ATP11A: variants seen among roughly 807,000 people sequenced by gnomAD.
ATP11A encodes the protein ATPase phospholipid transporting 11A.
A neutral mutation model predicts 154.4 loss-of-function variants in ATP11A; 81 were observed. The ratio of observed to expected loss-of-function variants is 0.52; its 90% CI spans 0.44 to 0.63. The LOEUF (loss-of-function observed/expected upper bound fraction) is 0.63. Among genes scored for constraint, ATP11A ranks in the 30% least tolerant of loss-of-function variants. The probability of loss-of-function intolerance (pLI) is 0.00; values close to 1 mark genes in which losing one functional copy is unlikely to be tolerated. For synonymous variants in ATP11A, 623 were observed against 585.9 expected, an observed-to-expected ratio of 1.06 and a Z score of -0.91; for missense variants, 1,316 against 1,474.3, an observed-to-expected ratio of 0.89 and a Z score of 1.76.
At chr13:112,749,696 A>G (rs560311141) in intron 1 of ATP11A, among the ~76,000 whole-genome samples, 31 of 150,956 alleles carry the variant, frequency 2.1e-4, no homozygotes, top group African/African-American at 6.6e-4. Flanking sequence ...CGTCTGCTGA[A>G]GGATGCGGGG....
Position 112,886,134 on chromosome 13 carries a change from G to A in ATP11A, c.*4268G>A, listed in dbSNP as rs1171998741. On this transcript the variant is annotated 3_prime_UTR_variant, in exon 30 of 30. Coordinates refer to ENST00000375645, the MANE Select transcript of ATP11A (RefSeq NM_015205.3). ...GCCGCCTAAAGCCCCAGTCAACCCA[G>A]CCTGTGTCTGAGCAGACAGGGCGAA... The A allele has an allele frequency of 6.6e-6, 1 of 152,312 alleles. No homozygotes were observed. The highest frequency in any genetic ancestry group is 2.4e-5 in the African/African-American group (1 of 41,474). The allele number at this position is 152,312 out of a possible 1,614,324, so 9.4% of individuals were successfully genotyped here.
rs544603464 is a variant in ATP11A, at chr13:112,753,237, C to T, written c.40-31898C>T. Among the ~76,000 whole-genome samples the T allele has an allele frequency of 9.9e-4, 151 of 152,324 alleles. 1 individual carries two copies. The highest frequency in any genetic ancestry group is 3.4e-3 in the African/African-American group (141 of 41,570). ...CCCCTGTGGACTCAACCTCCCCCGC[C>T]CCTGGCCGCCCCACATCATGGACAG... On this transcript the variant is annotated intron_variant, in intron 1 of 29. Coordinates refer to ENST00000375645, the MANE Select transcript of ATP11A (RefSeq NM_015205.3). The surrounding 1 kb of genome is among the most constrained non-coding windows in gnomAD (Gnocchi z 4.1).
At chr13:112,816,361 T>G in intron 6 of ATP11A, 150 bp downstream of exon 6, 1 of 1,000,450 alleles carries the variant, frequency 1.0e-6, no homozygotes, top group Non-Finnish European at 1.4e-6. Context: ...TTTCCTCACT[T>G]TTCCTTCCTC....
intron 1 of ATP11A, among the ~76,000 whole-genome samples, chr13:112,712,960 A>G (rs1057259368): frequency 6.6e-6 from 1 of 152,234 alleles, no homozygotes; most frequent in African/African-American, 2.4e-5. Flanking sequence ...GAGGAGACCT[A>G]GAGTATTTGT....
At chr13:112,823,476 C>A in intron 9 of ATP11A, 67 bp downstream of exon 9, 1 of 1,341,328 alleles carries the variant, frequency 7.5e-7, no homozygotes, top group Non-Finnish European at 1.0e-6. Flanking sequence ...AAAGTTAAAA[C>A]CCGCAGCGGA....
intron 1 of ATP11A, among the ~76,000 whole-genome samples, chr13:112,723,192 G>A (rs112282538): frequency 2.5e-3 from 378 of 150,872 alleles, no homozygotes; most frequent in African/African-American, 7.9e-3. Context: ...TTTTTTCTTC[G>A]ATCCTGTGAG....
At chr13:112,739,684 C>T (rs1172872304) in intron 1 of ATP11A, among the ~76,000 whole-genome samples, 1 of 152,224 alleles carries the variant, frequency 6.6e-6, no homozygotes, top group East Asian at 1.9e-4. Flanking sequence ...TTCTTGTGTT[C>T]TTGGCAGCAT....
At chr13:112,743,995 A>G (rs1891833695) in intron 1 of ATP11A, among the ~76,000 whole-genome samples, 1 of 152,250 alleles carries the variant, frequency 6.6e-6, no homozygotes. Flanking sequence ...TTCAGGTTAG[A>G]ATATTTCCTG....
At chr13:112,736,102 G>A (rs1890979664) in intron 1 of ATP11A, among the ~76,000 whole-genome samples, 2 of 152,246 alleles carry the variant, frequency 1.3e-5, no homozygotes, top group Non-Finnish European at 2.9e-5. Flanking sequence ...GCGCACAGGT[G>A]TGGACCATGG....
chr13:112,760,008 G>A (rs556247075), intron 1 of ATP11A, among the ~76,000 whole-genome samples: 5 of 152,268 alleles, frequency 3.3e-5, no homozygotes, highest in Admixed American at 6.5e-5. Flanking sequence ...GAAGGAAGCC[G>A]TCTGGCAATA....
intron 1 of ATP11A, among the ~76,000 whole-genome samples, chr13:112,724,073 C>T (rs1016772224): frequency 2.0e-5 from 3 of 151,718 alleles, no homozygotes; most frequent in Admixed American, 6.6e-5. Context: ...CGCCCACTGC[C>T]TGGGTGTGGA....
At position 112,858,165 on chromosome 13, in the gene ATP11A, C is replaced by T. The variant is rs144532501; in HGVS notation, c.2542C>T (p.Arg848Cys). Residue 848 changes from arginine to cysteine, a missense_variant, in exon 22 of 30, where the codon CGC becomes TGC. Coordinates refer to ENST00000375645, the MANE Select transcript of ATP11A (RefSeq NM_015205.3). ...VGIGVIGKEG[R>C]QAARNSDYAI... ...TCTAGGTGTCATCGGCAAGGAAGGCCGCCAGGCTGCCAGGAACAGCGACTA... is the reference window on the plus strand; with the variant it reads ...TCTAGGTGTCATCGGCAAGGAAGGCTGCCAGGCTGCCAGGAACAGCGACTA... 9.3e-6 allele frequency: 15 copies of T among 1,613,610 alleles called. No homozygotes were observed. The highest frequency in any genetic ancestry group is 6.7e-5 in the East Asian group (3 of 44,892).
chr13:112,881,381 T>TG lies in ATP11A; in HGVS notation c.*10-491dup, dbSNP rs975608650. On this transcript the variant is annotated intron_variant, in intron 29 of 29. Coordinates refer to ENST00000375645, the MANE Select transcript of ATP11A (RefSeq NM_015205.3). Reference sequence around the variant, plus strand: ...CAGTACTAAATCAACCCGGTCCCTGTGGGGTGGGGCCTGCCTTCCCTGGGG... The same window carrying TG: ...CAGTACTAAATCAACCCGGTCCCTGTGGGGGTGGGGCCTGCCTTCCCTGGGG... 20 of 1,040,684 alleles carry TG rather than the reference T, an allele frequency of 1.9e-5. No homozygotes were observed. The African/African-American group carries it at 3.4e-4, about 18-fold the overall frequency. 64.5% of individuals were successfully genotyped at this position (1,040,684 alleles called of 1,614,324 possible).
At chr13:112,784,668 G>A (rs1319333247) in intron 1 of ATP11A, among the ~76,000 whole-genome samples, 2 of 151,822 alleles carry the variant, frequency 1.3e-5, no homozygotes, top group Non-Finnish European at 2.9e-5. Flanking sequence ...GACTACAGGC[G>A]CCCACCACCA....
intron 26 of ATP11A, 135 bp from the exon 27 acceptor site, chr13:112,873,438 A>G: frequency 3.3e-6 from 2 of 601,638 alleles, no homozygotes; most frequent in Admixed American, 3.5e-5. Context: ...CGTGTTTTGC[A>G]GGCATTGAGT....
intron 1 of ATP11A, among the ~76,000 whole-genome samples, chr13:112,724,248 A>C (rs1346214881): frequency 6.7e-6 from 1 of 150,120 alleles, no homozygotes; most frequent in East Asian, 2.0e-4. Context: ...TGGACCCCAC[A>C]GGTTATGGGC....
rs909142975 is a variant in ATP11A at position 112,838,361 on chromosome 13, G to A, written c.1705+2110G>A. On this transcript the variant is annotated intron_variant, in intron 16 of 29. Transcript: ENST00000375645. The surrounding 1 kb of genome is among the most constrained non-coding windows in gnomAD (Gnocchi z 7.3). ...GAGCCATGGCTGGAACATGCTGCCCGTGACCTGCGGGGCTGACTCACGTGG... is the reference window on the plus strand; with the variant it reads ...GAGCCATGGCTGGAACATGCTGCCCATGACCTGCGGGGCTGACTCACGTGG... Among the ~76,000 whole-genome samples the A allele has an allele frequency of 3.3e-5, 5 of 151,992 alleles. No homozygotes were observed. Among genetic ancestry groups the A allele is most frequent in the African/African-American group, 9.7e-5 (4 of 41,390 alleles).
intron 9 of ATP11A, among the ~76,000 whole-genome samples, chr13:112,823,959 G>C (rs2078865727): frequency 6.6e-6 from 1 of 152,140 alleles, no homozygotes; most frequent in Non-Finnish European, 1.5e-5. Flanking sequence ...CTGATACCTA[G>C]CACGATGTAA....
intron 16 of ATP11A, 24 bp from the exon 17 acceptor site, chr13:112,842,252 C>G (rs946006): frequency 0.29 from 452,887 of 1,544,278 alleles, 69,224 homozygotes; most frequent in African/African-American, 0.48. Flanking sequence ...TGTGATTAAA[C>G]TCCTCATTTT....
Sources: allele counts gnomAD v4.1 joint callset (sites outside exome capture counted in the v4.1 genomes callset), GRCh38; gene constraint gnomAD v4.1.1; non-coding constraint Gnocchi (gnomAD v3.1); transcripts MANE v1.5; gene names NCBI Gene and HGNC (gene_info 2026-07-23, HGNC 2026-07-21).